The following NEAT1 variants were observed in gnomAD, a reference collection of about 807,000 sequenced individuals.
NEAT1 encodes the protein nuclear paraspeckle assembly transcript 1.
exon 1 of NEAT1, chr11:65,443,185 G>A (rs962323374): frequency 3.3e-5 from 5 of 152,162 alleles, no homozygotes; most frequent in Admixed American, 2.0e-4. Context: ...GTCACTCCTG[G>A]GGTCTCTCCG....
chr11:65,445,248 C>A (rs1856755954), exon 1 of NEAT1: 1 of 152,256 alleles, frequency 6.6e-6, no homozygotes, highest in Non-Finnish European at 1.5e-5. Context: ...GTGCTCGGTC[C>A]CAGAGCATGC....
exon 1 of NEAT1, chr11:65,438,907 A>G (rs181145250): frequency 6.6e-6 from 1 of 152,296 alleles, no homozygotes; most frequent in African/African-American, 2.4e-5. Context: ...TTATATACCT[A>G]GGAGTAGAAT....
chr11:65,430,541 A>T (rs1475617515), exon 1 of NEAT1: 1 of 152,218 alleles, frequency 6.6e-6, no homozygotes, highest in Non-Finnish European at 1.5e-5. Context: ...CATAACTTTC[A>T]TCTGCTTGTT....
rs1183424630 is a variant in NEAT1 at position 65,444,536 on chromosome 11, GGCA to G, written n.21742_21744del. 5 of 496,360 alleles carry G rather than the reference GGCA, an allele frequency of 1.0e-5. No individual in the cohort carries two copies. The East Asian group carries it at 3.1e-4, about 31-fold the overall frequency. The allele number at this position is 496,360 out of a possible 1,614,324, so 30.7% of individuals were successfully genotyped here. ...GGGGCTCCAGGGGCCCTCCCTCCAT[GGCA>G]GCCAGGACAGGACTCTCAAATGAGG... is the stretch of plus-strand genomic sequence containing the variant. On this transcript the variant is annotated non_coding_transcript_exon_variant, in exon 1 of 1. Coordinates refer to ENST00000501122, the Ensembl canonical transcript of NEAT1.
exon 1 of NEAT1, chr11:65,429,164 T>G (rs2134893919): frequency 6.6e-6 from 1 of 152,310 alleles, no homozygotes; most frequent in South Asian, 2.1e-4. Context: ...TGACTTTCCT[T>G]GTAGCTCAGA....
exon 1 of NEAT1, chr11:65,430,753 A>G (rs1352297589): frequency 6.6e-6 from 1 of 152,200 alleles, no homozygotes; most frequent in East Asian, 1.9e-4. Context: ...TTATGGTTTT[A>G]TAACTCTCTT....
At chr11:65,428,519 C>T (rs968380160) in exon 1 of NEAT1, 2 of 152,162 alleles carry the variant, frequency 1.3e-5, no homozygotes, top group Non-Finnish European at 2.9e-5. Context: ...CATTATGGTG[C>T]AGTGCGGGCA....
At chr11:65,425,287 G>A (rs1856549985) in exon 1 of NEAT1, 1 of 152,146 alleles carries the variant, frequency 6.6e-6, no homozygotes, top group African/African-American at 2.4e-5. Flanking sequence ...GTGACACAGA[G>A]TCACCAGTTT....
chr11:65,426,434 A>G (rs764108655), exon 1 of NEAT1: 13 of 152,220 alleles, frequency 8.5e-5, no homozygotes, highest in African/African-American at 1.2e-4. Flanking sequence ...GTTGCTCTGT[A>G]TGGTAAGAAC....
At chr11:65,435,724 A>G (rs949987532) in exon 1 of NEAT1, 1 of 152,088 alleles carries the variant, frequency 6.6e-6, no homozygotes, top group South Asian at 2.1e-4. Flanking sequence ...TCCTCTCCTC[A>G]TGTGCCGTGG....
exon 1 of NEAT1, chr11:65,434,546 T>A (rs1856640978): frequency 6.6e-6 from 1 of 152,214 alleles, no homozygotes; most frequent in African/African-American, 2.4e-5. Flanking sequence ...TGTATGTCTG[T>A]GAGTTTAGCC....
exon 1 of NEAT1, chr11:65,432,106 C>T (rs1240934236): frequency 1.3e-5 from 2 of 152,154 alleles, no homozygotes; most frequent in Non-Finnish European, 2.9e-5. Flanking sequence ...GGTTCCATAT[C>T]TTTGCAATTC....
chr11:65,434,460 A>C (rs1363241745), exon 1 of NEAT1: 1 of 152,092 alleles, frequency 6.6e-6, no homozygotes, highest in Non-Finnish European at 1.5e-5. Context: ...ATTATTGATT[A>C]CTTTTTTTCA....
chr11:65,425,582 A>G (rs1374016822), exon 1 of NEAT1: 1 of 152,154 alleles, frequency 6.6e-6, no homozygotes, highest in Admixed American at 6.5e-5. Flanking sequence ...GTAAATGCCT[A>G]TATTGTGGGC....
At chr11:65,432,620 T>C (rs1856622553) in exon 1 of NEAT1, 1 of 152,004 alleles carries the variant, frequency 6.6e-6, no homozygotes, top group Non-Finnish European at 1.5e-5. Context: ...GGTTTTTTCG[T>C]TCCAGGTCAG....
chr11:65,444,263 CTGTGTGTGTGTGTGTGTG>C (rs66756887), exon 1 of NEAT1: 5,980 of 254,644 alleles, frequency 0.023, 253 homozygotes, highest in African/African-American at 0.12. Context: ...AGTCCTCAGA[CTGTGTGTGTGTGTGTGTG>C]TGTGTGTGTG....
chr11:65,432,897 T>C (rs1174928706), exon 1 of NEAT1: 1 of 151,862 alleles, frequency 6.6e-6, no homozygotes, highest in Non-Finnish European at 1.5e-5. Context: ...GTATACCTTT[T>C]TGTACCCATA....
exon 1 of NEAT1, chr11:65,423,104 G>C (rs961783708): frequency 6.5e-6 from 1 of 152,864 alleles, no homozygotes; most frequent in South Asian, 2.0e-4. Context: ...GCATAGCTGA[G>C]CGAGCCCGGG....
exon 1 of NEAT1, chr11:65,436,549 A>C (rs927554827): frequency 2.0e-5 from 3 of 152,234 alleles, no homozygotes; most frequent in African/African-American, 4.8e-5. Flanking sequence ...GGCCACCGTC[A>C]TGGCCAGTTG....
Sources: allele counts gnomAD v4.1 joint callset, GRCh38; gene constraint gnomAD v4.1.1; transcripts MANE v1.5; gene names NCBI Gene and HGNC (gene_info 2026-07-23, HGNC 2026-07-21).